LAMA2: variants seen among roughly 807,000 people sequenced by gnomAD.
The protein encoded by LAMA2 is laminin subunit alpha-2.
A neutral mutation model predicts 364.8 loss-of-function variants in LAMA2; 269 were observed. That is an observed-to-expected ratio of 0.74 (90% confidence interval 0.67 to 0.82). The LOEUF (loss-of-function observed/expected upper bound fraction) is 0.82, where lower values mean the gene tolerates loss of function less well. LAMA2 is among the 40% of genes least tolerant of loss of function. The pLI is 0.00. For synonymous variants in LAMA2, 1,379 were observed against 1,370.6 expected (o/e 1.01, Z -0.14); for missense variants, 3,807 against 3,873.2 (o/e 0.98, Z 0.45).
intron 3 of LAMA2, among the ~76,000 whole-genome samples, chr6:129,075,921 C>A (rs1773604775): frequency 6.6e-6 from 1 of 151,682 alleles, no homozygotes; most frequent in Non-Finnish European, 1.5e-5. Context: ...CAAAGTGAGA[C>A]CCCTATCTCT....
chr6:129,216,039 C>T (rs1783403119), intron 12 of LAMA2, among the ~76,000 whole-genome samples: 1 of 152,134 alleles, frequency 6.6e-6, no homozygotes, highest in Non-Finnish European at 1.5e-5. Context: ...CTGTGCCTTA[C>T]TGTGCAAGGC....
chr6:128,909,022 C>A (rs1490761875), intron 1 of LAMA2, among the ~76,000 whole-genome samples: 2 of 147,282 alleles, frequency 1.4e-5, no homozygotes, highest in Admixed American at 1.3e-4. Context: ...AATTTCTGTT[C>A]TTTTACATTT....
chr6:129,375,011 C>T (rs1278756150), intron 34 of LAMA2, among the ~76,000 whole-genome samples: 1 of 152,000 alleles, frequency 6.6e-6, no homozygotes, highest in Non-Finnish European at 1.5e-5. Flanking sequence ...GAGCTACCCT[C>T]TCTTCTTTAA....
intron 7 of LAMA2, among the ~76,000 whole-genome samples, chr6:129,151,373 C>T (rs562918610): frequency 6.6e-6 from 1 of 152,108 alleles, no homozygotes; most frequent in Admixed American, 6.5e-5. Flanking sequence ...TTTTGAAATA[C>T]ACTATTACAA....
At chr6:129,275,453 T>C (rs569360828) in intron 17 of LAMA2, among the ~76,000 whole-genome samples, 2 of 151,856 alleles carry the variant, frequency 1.3e-5, no homozygotes, top group East Asian at 3.9e-4. Flanking sequence ...GCTACAGTAA[T>C]AGAAACAATT....
At chr6:129,414,317 A>G (rs1056097077) in intron 40 of LAMA2, among the ~76,000 whole-genome samples, 24 of 152,240 alleles carry the variant, frequency 1.6e-4, no homozygotes, top group Admixed American at 5.2e-4. Context: ...TCCTCAGCTT[A>G]TTTTATGAGG....
At chr6:129,477,285 T>A (rs2571578) in intron 53 of LAMA2, among the ~76,000 whole-genome samples, 3 of 151,936 alleles carry the variant, frequency 2.0e-5, no homozygotes, top group African/African-American at 7.3e-5. Context: ...GGCTAGTAAC[T>A]ACTGATTTGG....
intron 14 of LAMA2, among the ~76,000 whole-genome samples, chr6:129,258,051 C>G (rs1014289110): frequency 2.0e-5 from 3 of 152,048 alleles, no homozygotes; most frequent in Admixed American, 2.0e-4. Context: ...TCCATCCATT[C>G]ATCAATTCAC....
chr6:129,408,865 T>C (rs1183590164), intron 40 of LAMA2, among the ~76,000 whole-genome samples: 1 of 152,128 alleles, frequency 6.6e-6, no homozygotes, highest in Non-Finnish European at 1.5e-5. Flanking sequence ...GAATGAGTCA[T>C]CCTATCCACT....
chr6:129,109,993 G>A (rs1215011523), intron 4 of LAMA2, among the ~76,000 whole-genome samples: 8 of 151,812 alleles, frequency 5.3e-5, no homozygotes, highest in Admixed American at 1.3e-4. Context: ...ATTTCATTGT[G>A]TGGACCTGTT....
At chr6:129,129,057 C>T (rs575172409) in intron 4 of LAMA2, among the ~76,000 whole-genome samples, 6 of 152,286 alleles carry the variant, frequency 3.9e-5, no homozygotes, top group South Asian at 4.1e-4. Flanking sequence ...GGAGGAAATA[C>T]GTGGCCAGGC....
At chr6:129,390,635 A>G (rs1779266645) in intron 35 of LAMA2, among the ~76,000 whole-genome samples, 1 of 152,174 alleles carries the variant, frequency 6.6e-6, no homozygotes, top group African/African-American at 2.4e-5. Context: ...CACCAAAAAA[A>G]TGTCCTATAG....
Position 129,256,766 on chromosome 6 carries a change from ATATATAT to A in LAMA2, c.2097-3944_2097-3938del, listed in dbSNP as rs1786711873. Among the ~76,000 whole-genome samples the A allele has an allele frequency of 9.0e-4, 83 of 92,220 alleles. 2 individuals carry two copies. The highest frequency in any genetic ancestry group is 2.4e-3 in the African/African-American group (67 of 27,462). The allele number at this position is 92,220 out of a possible 152,430, so 60.5% of individuals were successfully genotyped here. A position where few individuals can be genotyped will look rare whatever the true frequency, so the allele number is the denominator to read the frequency against. ...ATATAAAAAACAAATTATATAGCAT[ATATATAT>A]ATATATATATATATATATATATATA... On this transcript the variant is annotated intron_variant, in intron 14 of 64. Coordinates refer to ENST00000421865, the MANE Select transcript of LAMA2 (RefSeq NM_000426.4).
chr6:129,292,823 A>G (rs1789806814), intron 20 of LAMA2: 1 of 985,748 alleles, frequency 1.0e-6, no homozygotes, highest in Non-Finnish European at 1.2e-6. Flanking sequence ...GGCGGGATCC[A>G]GAGAAGCGAT....
chr6:128,942,343 T>G (rs1162405739), intron 1 of LAMA2, among the ~76,000 whole-genome samples: 1 of 152,218 alleles, frequency 6.6e-6, no homozygotes, highest in Admixed American at 6.5e-5. Context: ...TTAAAAAGTG[T>G]TCTATTGTAG....
chr6:129,059,798 A>G lies in LAMA2; in HGVS notation c.298A>G (p.Thr100Ala). The G allele has an allele frequency of 1.2e-6, 2 of 1,602,822 alleles. No individual in the cohort carries two copies. Among genetic ancestry groups the G allele is most frequent in the South Asian group, 2.2e-5 (2 of 90,848 alleles). ...TAACTCAATAGAGAGACACCCGATT[A>G]CAAATGCTATTGATGGAAAGAACAC... ...SSNPNQRHPITNAIDGKNTWW... is the reference protein window; with the variant it reads ...SSNPNQRHPIANAIDGKNTWW... The change falls in exon 3 of 65, where the codon ACA (threonine) becomes GCA (alanine). Residue 100 changes from threonine to alanine, a missense_variant. Transcript: ENST00000421865.
intron 40 of LAMA2, among the ~76,000 whole-genome samples, chr6:129,415,618 G>A (rs1210667834): frequency 1.3e-5 from 2 of 152,088 alleles, no homozygotes; most frequent in African/African-American, 4.8e-5. Flanking sequence ...GGCTGAGGTG[G>A]GAAGATTGCT....
rs1211590142 is a variant in LAMA2 at position 129,312,943 on chromosome 6, C to G, written c.3257C>G (p.Ser1086Cys). 2 of 1,614,200 alleles carry G rather than the reference C, an allele frequency of 1.2e-6. No homozygotes were observed. The highest frequency in any genetic ancestry group is 2.2e-5 in the South Asian group (2 of 91,080). The change falls in exon 23 of 65, where the codon TCT becomes TGT. Residue 1086 changes from serine to cysteine, a missense_variant. Ser to Cys is a moderately radical substitution (Grantham distance 112, BLOSUM62 -1). Coordinates refer to ENST00000421865, the MANE Select transcript of LAMA2 (RefSeq NM_000426.4). The stretch of plus-strand genomic sequence containing the variant: ...CAATGCAACTGTCATCCAAAATTCT[C>G]TGGTGCAAAATGTACAGAGTGCAGT... ...TGQCNCHPKF[S>C]GAKCTECSRG... is the part of the protein sequence containing the mutation.
At chr6:129,314,367 C>T (rs1774426588) in intron 23 of LAMA2, among the ~76,000 whole-genome samples, 1 of 136,214 alleles carries the variant, frequency 7.3e-6, no homozygotes, top group Admixed American at 7.7e-5. Context: ...CCACTGCACT[C>T]TGGCCTGGGC....
Sources: allele counts gnomAD v4.1 joint callset (sites outside exome capture counted in the v4.1 genomes callset), GRCh38; gene constraint gnomAD v4.1.1; transcripts MANE v1.5; gene names NCBI Gene and HGNC (gene_info 2026-07-23, HGNC 2026-07-21).